ARHGEF33: variants seen among roughly 807,000 people sequenced by gnomAD.
ARHGEF33 encodes DH and coiled-coil domain-containing protein ENSP00000381780.
In ARHGEF33, 72 loss-of-function variants were observed where a neutral mutation model predicts 101.9. The ratio of observed to expected loss-of-function variants is 0.71; its 90% CI spans 0.58 to 0.86. ARHGEF33 has a LOEUF of 0.86. ARHGEF33 is among the 40% of genes least tolerant of loss of function. ARHGEF33 has a pLI of 0.00. For missense variants in ARHGEF33, 1,169 were observed against 1,111.3 expected, an observed-to-expected ratio of 1.05 and a Z score of -0.74; for synonymous variants, 499 against 442.5, an observed-to-expected ratio of 1.13 and a Z score of -1.60.
intron 2 of ARHGEF33, among the ~76,000 whole-genome samples, chr2:38,917,044 C>A (rs1212729269): frequency 6.6e-6 from 1 of 151,386 alleles, no homozygotes; most frequent in African/African-American, 2.4e-5. Flanking sequence ...AGGTGATCCA[C>A]CCACCTTGGC....
chr2:38,944,118 C>A (rs1667380818), intron 10 of ARHGEF33, 88 bp downstream of exon 10: 3 of 1,357,794 alleles, frequency 2.2e-6, no homozygotes. Flanking sequence ...ATTTCTGGGG[C>A]CTATGAAGAG....
intron 11 of ARHGEF33, 88 bp from the exon 12 acceptor site, chr2:38,953,074 T>C: frequency 1.4e-6 from 1 of 695,496 alleles, no homozygotes; most frequent in South Asian, 1.6e-5. Context: ...CTCTGCAAAG[T>C]ACTCTTCTTT....
intron 11 of ARHGEF33, among the ~76,000 whole-genome samples, chr2:38,951,426 T>C (rs1667600916): frequency 6.6e-6 from 1 of 152,170 alleles, no homozygotes; most frequent in South Asian, 2.1e-4. Flanking sequence ...AATACGCATG[T>C]CGATGTGTGT....
intron 3 of ARHGEF33, among the ~76,000 whole-genome samples, chr2:38,920,403 T>C (rs75672822): frequency 7.6e-6 from 1 of 131,262 alleles, no homozygotes; most frequent in East Asian, 2.2e-4. Flanking sequence ...CTTTCCTTTT[T>C]TTTTTTTTTT....
At chr2:38,925,389 G>C (rs73930378) in intron 4 of ARHGEF33, among the ~76,000 whole-genome samples, 11,759 of 152,120 alleles carry the variant, frequency 0.077, 1,444 homozygotes, top group African/African-American at 0.26. Context: ...TCCTGATTGA[G>C]ACTAAGTCTC....
intron 2 of ARHGEF33, among the ~76,000 whole-genome samples, chr2:38,911,903 T>C (rs1666516968): frequency 6.6e-6 from 1 of 152,066 alleles, no homozygotes; most frequent in African/African-American, 2.4e-5. Context: ...AAGGAAGTGC[T>C]TCCCCCAAAG....
Position 38,956,374 on chromosome 2 carries a change from T to C in ARHGEF33, c.1222-525T>C, listed in dbSNP as rs139791933. Among the ~76,000 whole-genome samples, 111 of 152,296 alleles carry C rather than the reference T, an allele frequency of 7.3e-4. 1 individual carries two copies. The Middle Eastern group carries it at 0.01, about 14-fold the overall frequency. The stretch of plus-strand genomic sequence containing the variant: ...GCGGTAACAATTAAATGAGATAATA[T>C]ACATAAAGGGCTTACTACCTGGCAA... On this transcript the variant is annotated intron_variant, in intron 13 of 17. Coordinates refer to ENST00000409978, the MANE Select transcript of ARHGEF33 (RefSeq NM_001145451.5).
At position 38,928,271 on chromosome 2, in the gene ARHGEF33, T is replaced by C. The variant is rs186940168; in HGVS notation, c.76-636T>C. ...CTGCTGGAGATGATTCATATCACCA[T>C]CAACAATATTCTGAGCTCCTACCAT... On this transcript the variant is annotated intron_variant, in intron 4 of 17. Transcript: ENST00000409978. Among the ~76,000 whole-genome samples the C allele has an allele frequency of 1.1e-4, 17 of 152,294 alleles. No homozygotes were observed. In the East Asian group the frequency reaches 2.9e-3, roughly 26 times the overall value.
chr2:38,974,077 A>T lies in ARHGEF33; in HGVS notation c.*234A>T, dbSNP rs905290602. On this transcript the variant is annotated 3_prime_UTR_variant, in exon 18 of 18. Transcript: ENST00000409978. The stretch of plus-strand genomic sequence containing the variant: ...CTTTTTGAACCTCAACACTGGGGAA[A>T]AGGGAAATGAAGACTTTTCACATCA... The T allele has an allele frequency of 3.5e-5, 6 of 171,536 alleles. No individual in the cohort carries two copies. The highest frequency in any genetic ancestry group is 1.2e-4 in the African/African-American group (5 of 41,926). The allele number at this position is 171,536 out of a possible 1,614,324, so 10.6% of individuals were successfully genotyped here.
Position 38,895,796 on chromosome 2 carries a change from A to G in ARHGEF33, c.-139A>G, listed in dbSNP as rs1294660660. ...TTACAGAACTTCTAGAGAAAACAAG[A>G]AGAAGACTTCAAAAAACATGCTGTG... On this transcript the variant is annotated 5_prime_UTR_variant, in exon 2 of 18. Coordinates refer to ENST00000409978, the MANE Select transcript of ARHGEF33 (RefSeq NM_001145451.5). 2 of 151,914 alleles carry G rather than the reference A, an allele frequency of 1.3e-5. No homozygotes were observed. Among genetic ancestry groups the G allele is most frequent in the African/African-American group, 4.8e-5 (2 of 41,352 alleles). The allele number at this position is 151,914 out of a possible 1,614,324, so 9.4% of individuals were successfully genotyped here.
Position 38,958,015 on chromosome 2 carries a change from G to C in ARHGEF33, c.1371-19G>C. 6.4e-7 allele frequency: 1 copy of C among 1,552,134 alleles called. No homozygotes were observed. Among genetic ancestry groups the C allele is most frequent in the Non-Finnish European group, 8.7e-7 (1 of 1,147,058 alleles). On this transcript the variant is annotated intron_variant, in intron 14 of 17. Transcript: ENST00000409978. ...TTTGCCACTGTACAACCTGAGAACT[G>C]TTATTTCCATTCTGTTAGGTCATCC...
chr2:38,892,984 TA>T (rs1298271409), intron 1 of ARHGEF33, among the ~76,000 whole-genome samples: 2 of 152,132 alleles, frequency 1.3e-5, no homozygotes. Flanking sequence ...TACCTCTGCT[TA>T]AACATTTTCA....
chr2:38,908,743 A>C (rs191832676), intron 2 of ARHGEF33, among the ~76,000 whole-genome samples: 24 of 152,264 alleles, frequency 1.6e-4, no homozygotes, highest in Admixed American at 1.4e-3. Flanking sequence ...ACATCACTAC[A>C]GTTAGTTTTG....
intron 1 of ARHGEF33, among the ~76,000 whole-genome samples, chr2:38,893,369 A>G (rs575524714): frequency 4.6e-5 from 7 of 152,264 alleles, no homozygotes; most frequent in African/African-American, 7.2e-5. Context: ...TATGTTGGCC[A>G]GGCTGATCTC....
At chr2:38,914,182 G>A (rs1365797298) in intron 2 of ARHGEF33, among the ~76,000 whole-genome samples, 1 of 152,128 alleles carries the variant, frequency 6.6e-6, no homozygotes, top group Non-Finnish European at 1.5e-5. Context: ...AGCCTTTTTG[G>A]AAAGCAGCCT....
At chr2:38,894,116 C>T (rs1035424385) in intron 1 of ARHGEF33, among the ~76,000 whole-genome samples, 2 of 152,042 alleles carry the variant, frequency 1.3e-5, no homozygotes, top group Non-Finnish European at 2.9e-5. Context: ...CCCAGGAATT[C>T]GAGACCAGCT....
At position 38,960,186 on chromosome 2, in the gene ARHGEF33, G is replaced by C. The variant is rs1476718079; in HGVS notation, c.1881G>C (p.Ala627=). Reference sequence around the variant, plus strand: ...GCGGCGAGATCTTCGCGCTGCCCGCGCCCTACGACGAGGAGCCGTTCCAGG... The same window carrying C: ...GCGGCGAGATCTTCGCGCTGCCCGCCCCCTACGACGAGGAGCCGTTCCAGG... ...EYGGEIFALP[A]PYDEEPFQAP... is the part of the protein sequence containing the mutation. Residue 627 remains alanine (A), a synonymous_variant, in exon 16 of 18, where the codon GCG becomes GCC. Coordinates refer to ENST00000409978, the MANE Select transcript of ARHGEF33 (RefSeq NM_001145451.5). The C allele has an allele frequency of 1.3e-6, 2 of 1,543,810 alleles. No individual in the cohort carries two copies. The highest frequency in any genetic ancestry group is 8.7e-7 in the Non-Finnish European group (1 of 1,144,458).
rs145329059 is a variant in ARHGEF33, at chr2:38,915,459, A to G, written c.-85-3904A>G. Reference sequence around the variant, plus strand: ...GAGTGCAGCGGCGTGATCTCGGCTCACTGCAATCTCTGCCTCCCGGGTTCA... The same window carrying G: ...GAGTGCAGCGGCGTGATCTCGGCTCGCTGCAATCTCTGCCTCCCGGGTTCA... On this transcript the variant is annotated intron_variant, in intron 2 of 17. Coordinates refer to ENST00000409978, the MANE Select transcript of ARHGEF33 (RefSeq NM_001145451.5). Among the ~76,000 whole-genome samples, 89 of 141,496 alleles carry G rather than the reference A, an allele frequency of 6.3e-4. 1 individual carries two copies. The East Asian group carries it at 0.013, about 21-fold the overall frequency. 92.8% of individuals were successfully genotyped at this position (141,496 alleles called of 152,430 possible).
intron 17 of ARHGEF33, chr2:38,973,299 A>G (rs1284187704): frequency 6.6e-6 from 1 of 152,664 alleles, no homozygotes; most frequent in Non-Finnish European, 1.5e-5. Context: ...TTTGTAATGT[A>G]ATGCCAAATT....
Sources: allele counts gnomAD v4.1 joint callset (sites outside exome capture counted in the v4.1 genomes callset), GRCh38; gene constraint gnomAD v4.1.1; transcripts MANE v1.5; gene names NCBI Gene and HGNC (gene_info 2026-07-23, HGNC 2026-07-21).